The following ZNF337 variants were observed in gnomAD, a reference collection of about 807,000 sequenced individuals.
ZNF337 encodes the protein zinc finger protein 337.
ZNF337 carries 8 observed loss-of-function variants against 12.1 expected under a neutral mutation model. That is an observed-to-expected ratio of 0.66 (90% CI 0.39 to 1.19). The LOEUF (loss-of-function observed/expected upper bound fraction) is 1.19. Ranked by LOEUF, ZNF337 falls within the 50% of genes most tolerant of loss-of-function variation. The pLI, the probability that ZNF337 is intolerant of heterozygous loss-of-function variation, is 0.01. For synonymous variants in ZNF337, 336 were observed against 320.0 expected (o/e 1.05, Z -0.53); for missense variants, 882 against 896.6 (o/e 0.98, Z 0.21).
intron 4 of ZNF337, chr20:25,677,867 A>G (rs1406226247): frequency 6.6e-6 from 1 of 152,182 alleles, no homozygotes; most frequent in Non-Finnish European, 1.5e-5. Flanking sequence ...TAAAAACTTA[A>G]ATCAGGTGTA....
chr20:25,684,059 T>C lies in ZNF337; in HGVS notation c.250+1508A>G, dbSNP rs562577049. On this transcript the variant is annotated intron_variant, in intron 4 of 4. Coordinates refer to ENST00000252979, the MANE Select transcript of ZNF337 (RefSeq NM_015655.4). The stretch of plus-strand genomic sequence containing the variant: ...TGGGTTCATGTCCTTTACAGGGACA[T>C]GGATGAAGTTGGAAACCATCATTCT... 7.9e-5 allele frequency among the ~76,000 whole-genome samples: 12 copies of C among 152,082 alleles called. No individual in the cohort carries two copies. The East Asian group carries it at 2.1e-3, about 27-fold the overall frequency.
At chr20:25,696,605 G>A (rs1293410691) in intron 1 of ZNF337, among the ~76,000 whole-genome samples, 154 bp downstream of exon 1, 1 of 152,214 alleles carries the variant, frequency 6.6e-6, no homozygotes, top group Non-Finnish European at 1.5e-5. Flanking sequence ...GGCGCGGCCT[G>A]GGTCTCCGCC....
intron 1 of ZNF337, among the ~76,000 whole-genome samples, chr20:25,694,720 A>T (rs1410052021): frequency 6.6e-6 from 1 of 152,112 alleles, no homozygotes; most frequent in Non-Finnish European, 1.5e-5. Context: ...TCATCAGATG[A>T]GTTTTATTAC....
chr20:25,690,414 C>CA (rs556107455), intron 1 of ZNF337, among the ~76,000 whole-genome samples: 1 of 152,272 alleles, frequency 6.6e-6, no homozygotes, highest in African/African-American at 2.4e-5. Context: ...ATCCCTGGGG[C>CA]AAAAAATTAC....
chr20:25,683,761 T>G (rs2065795182), intron 4 of ZNF337, among the ~76,000 whole-genome samples: 1 of 152,140 alleles, frequency 6.6e-6, no homozygotes, highest in Non-Finnish European at 1.5e-5. Flanking sequence ...GGTGGGACTG[T>G]AAACTAGTTC....
intron 4 of ZNF337, among the ~76,000 whole-genome samples, chr20:25,678,790 T>TA (rs573199751): frequency 8.0e-5 from 12 of 149,394 alleles, no homozygotes; most frequent in East Asian, 7.8e-4. Context: ...TACAAAAGGT[T>TA]AAAAAAAAAA....
Position 25,675,384 on chromosome 20 carries a change from C to T in ZNF337, c.1904G>A (p.Arg635Gln), listed in dbSNP as rs769253992. Residue 635 changes from arginine to glutamine, a missense_variant, in exon 5 of 5, where the codon CGA (arginine) becomes CAA (glutamine). By Grantham distance (43) the Arg-to-Gln change is conservative. Transcript: ENST00000252979. The stretch of plus-strand genomic sequence containing the variant: ...GAGATTTCCCTTCCAGTTGAAGCCT[C>T]GCCCACACTCCTTGCATACAAAAGG... ...KQPFVCKECG[R>Q]GFNWKGNLLT... 10 of 1,613,876 alleles carry T rather than the reference C, an allele frequency of 6.2e-6. No individual in the cohort carries two copies. The highest frequency in any genetic ancestry group is 4.5e-5 in the East Asian group (2 of 44,872).
At chr20:25,688,282 T>C (rs1325718339) in intron 1 of ZNF337, among the ~76,000 whole-genome samples, 1 of 152,234 alleles carries the variant, frequency 6.6e-6, no homozygotes, top group Non-Finnish European at 1.5e-5. Flanking sequence ...TTAAAAATAC[T>C]GACCTTATTT....
rs1331553737 is a variant in ZNF337 at position 25,674,225 on chromosome 20, G to C, written c.*807C>G. 2 of 152,188 alleles carry C rather than the reference G, an allele frequency of 1.3e-5. No individual in the cohort carries two copies. Among genetic ancestry groups the C allele is most frequent in the African/African-American group, 4.8e-5 (2 of 41,434 alleles). 9.4% of individuals were successfully genotyped at this position (152,188 alleles called of 1,614,324 possible). On this transcript the variant is annotated 3_prime_UTR_variant, in exon 5 of 5. Coordinates refer to ENST00000252979, the MANE Select transcript of ZNF337 (RefSeq NM_015655.4). Reference sequence around the variant, plus strand: ...CCACTGACTAGGAAATGTATAAAGAGGACTTTATTTTCCCAGAGTTCTGGA... The same window carrying C: ...CCACTGACTAGGAAATGTATAAAGACGACTTTATTTTCCCAGAGTTCTGGA...
At chr20:25,685,479 G>C in intron 4 of ZNF337, 88 bp downstream of exon 4, 1 of 1,130,474 alleles carries the variant, frequency 8.8e-7, no homozygotes, top group Non-Finnish European at 1.3e-6. Context: ...GGCCAGAACA[G>C]CTTCCAGGTC....
intron 3 of ZNF337, 85 bp from the exon 4 acceptor site, chr20:25,685,747 G>T: frequency 7.6e-7 from 1 of 1,314,406 alleles, no homozygotes; most frequent in Non-Finnish European, 1.1e-6. Flanking sequence ...GGCAGGAAGG[G>T]AGGGAGAATC....
rs371526102 is a variant in ZNF337, at chr20:25,688,023, A to G, written c.-49-1557T>C. 6.6e-5 allele frequency among the ~76,000 whole-genome samples: 10 copies of G among 152,246 alleles called. 1 individual carries two copies. ...TTACATGTAGTTGGAGAAGAAAAACAGTGAAATTTCTTCCTCTGACGGCAG... is the reference window on the plus strand; with the variant it reads ...TTACATGTAGTTGGAGAAGAAAAACGGTGAAATTTCTTCCTCTGACGGCAG... On this transcript the variant is annotated intron_variant, in intron 1 of 4. Transcript: ENST00000252979.
At chr20:25,694,470 A>G (rs539657263) in intron 1 of ZNF337, among the ~76,000 whole-genome samples, 4 of 152,090 alleles carry the variant, frequency 2.6e-5, no homozygotes, top group African/African-American at 9.7e-5. Flanking sequence ...GGGTCTCTCT[A>G]CTTGGGGGTT....
At chr20:25,680,669 T>C (rs938034733) in intron 4 of ZNF337, 7 of 152,152 alleles carry the variant, frequency 4.6e-5, no homozygotes, top group African/African-American at 1.7e-4. Context: ...ACATCATCTG[T>C]ATAATTTTTA....
rs1569005228 is a variant in ZNF337 at position 25,675,930 on chromosome 20, G to A, written c.1358C>T (p.Thr453Ile). 6.2e-7 allele frequency: 1 copy of A among 1,613,878 alleles called. No individual in the cohort carries two copies. The highest frequency in any genetic ancestry group is 8.5e-7 in the Non-Finnish European group (1 of 1,179,962). Residue 453 changes from threonine to isoleucine, a missense_variant, in exon 5 of 5, where the codon ACA becomes ATA. By Grantham distance (89) the Thr-to-Ile change is moderately conservative (BLOSUM62 -1). Coordinates refer to ENST00000252979, the MANE Select transcript of ZNF337 (RefSeq NM_015655.4). The stretch of plus-strand genomic sequence containing the variant: ...CACAAAAGGCTTCTCCTCTGAGTGT[G>A]TGATCTGATGTTTCACAAGGGTTGA... ...QKSTLVKHQI[T>I]HSEEKPFVCK...
rs1569006411 is a variant in ZNF337 at position 25,676,408 on chromosome 20, A to C, written c.880T>G (p.Cys294Gly). The change falls in exon 5 of 5, where the codon TGC (cysteine) becomes GGC (glycine). Residue 294 changes from cysteine to glycine, a missense_variant. Coordinates refer to ENST00000252979, the MANE Select transcript of ZNF337 (RefSeq NM_015655.4). ...TTAAACCTTCGCCCACACTCCTGGC[A>C]TTCATAAGGCTTCTCTCCTGTGTGT... ...RTHTGEKPYE[C>G]QECGRRFNDK... 1 of 1,614,192 alleles carries C rather than the reference A, an allele frequency of 6.2e-7. No homozygotes were observed. Among genetic ancestry groups the C allele is most frequent in the Middle Eastern group, 1.6e-4 (1 of 6,062 alleles).
At chr20:25,681,638 C>A (rs764794414) in intron 4 of ZNF337, among the ~76,000 whole-genome samples, 1 of 151,948 alleles carries the variant, frequency 6.6e-6, no homozygotes, top group African/African-American at 2.4e-5. Context: ...CTCTGGTGGA[C>A]GTGGGGGCAG....
intron 4 of ZNF337, among the ~76,000 whole-genome samples, chr20:25,678,273 A>C (rs2065729105): frequency 6.6e-6 from 1 of 152,234 alleles, no homozygotes; most frequent in Non-Finnish European, 1.5e-5. Context: ...GAAATCAAGA[A>C]AGCAATCCCA....
intron 4 of ZNF337, among the ~76,000 whole-genome samples, chr20:25,681,990 G>C (rs1168483230): frequency 6.6e-6 from 1 of 152,176 alleles, no homozygotes; most frequent in East Asian, 1.9e-4. Context: ...GCTGACTGTA[G>C]GTGGCAGATC....
Sources: gnomAD v4.1 joint callset for allele counts (sites outside exome capture counted in the v4.1 genomes callset) on GRCh38, gnomAD v4.1.1 for gene constraint, MANE v1.5 for transcripts, NCBI Gene and HGNC (gene_info 2026-07-23, HGNC 2026-07-21) for gene names.